Variants in MCU observed in about 807,000 individuals in gnomAD.
The protein encoded by MCU is mitochondrial calcium uniporter.
Under a neutral mutation model 45.2 loss-of-function variants are expected in MCU, and 12 were observed. The ratio of observed to expected loss-of-function variants is 0.27; its 90% CI spans 0.17 to 0.43. MCU has a LOEUF of 0.43. MCU is among the 20% of genes least tolerant of loss of function. The pLI is 1.00. For missense variants in MCU, 324 were observed against 436.7 expected (o/e 0.74, Z 2.30); for synonymous variants, 160 against 165.1 (o/e 0.97, Z 0.24).
At chr10:72,742,570 A>G (rs1382317216) in intron 1 of MCU, among the ~76,000 whole-genome samples, 1 of 152,098 alleles carries the variant, frequency 6.6e-6, no homozygotes, top group Non-Finnish European at 1.5e-5. Flanking sequence ...ATGCTTGCAT[A>G]TTTACTGGGG....
intron 1 of MCU, among the ~76,000 whole-genome samples, chr10:72,800,225 A>G (rs1342982199): frequency 6.6e-6 from 1 of 152,212 alleles, no homozygotes; most frequent in Admixed American, 6.5e-5. Flanking sequence ...AATTGTCCAC[A>G]TGGTGGCCGA....
chr10:72,753,141 C>G (rs1843526070), intron 1 of MCU, among the ~76,000 whole-genome samples: 1 of 152,168 alleles, frequency 6.6e-6, no homozygotes, highest in Admixed American at 6.5e-5. Flanking sequence ...CCTTAGACCT[C>G]TTAGATTTGT....
chr10:72,776,759 G>A (rs1194078554), intron 1 of MCU, among the ~76,000 whole-genome samples: 2 of 151,716 alleles, frequency 1.3e-5, no homozygotes, highest in African/African-American at 4.9e-5. Flanking sequence ...ATCCAAATTG[G>A]AAAGAAAGAA....
chr10:72,703,890 A>AAAC lies in MCU; in HGVS notation c.150+11616_150+11618dup, dbSNP rs143749981. Among the ~76,000 whole-genome samples the AAAC allele has an allele frequency of 6.5e-3, 976 of 150,900 alleles. 12 individuals carry two copies. Among genetic ancestry groups the AAAC allele is most frequent in the Non-Finnish European group, 9.8e-3 (663 of 67,734 alleles). On this transcript the variant is annotated intron_variant, in intron 1 of 7. Transcript: ENST00000373053. ...TGGGCGACAGCAAGACTCTGTCTCA[A>AAAC]AACAACAACAACAACAACAACAACA... is the stretch of plus-strand genomic sequence containing the variant.
At chr10:72,704,467 CTG>C (rs1309430083) in intron 1 of MCU, among the ~76,000 whole-genome samples, 1 of 152,028 alleles carries the variant, frequency 6.6e-6, no homozygotes, top group African/African-American at 2.4e-5. Flanking sequence ...GTATTTAAAA[CTG>C]TACTGACCTG....
At chr10:72,818,702 G>A (rs781631621) in intron 1 of MCU, among the ~76,000 whole-genome samples, 10 of 152,040 alleles carry the variant, frequency 6.6e-5, no homozygotes, top group Non-Finnish European at 1.0e-4. Context: ...TTAGCCGGGC[G>A]TGGTGGTGCA....
At chr10:72,747,029 C>T (rs1057184769) in intron 1 of MCU, among the ~76,000 whole-genome samples, 7 of 152,196 alleles carry the variant, frequency 4.6e-5, no homozygotes, top group African/African-American at 1.2e-4. Flanking sequence ...AAAATATAAA[C>T]TAAAAATATA....
rs191271660 is a variant in MCU at position 72,853,298 on chromosome 10, G to A, written c.221-5879G>A. On this transcript the variant is annotated intron_variant, in intron 2 of 7. Transcript: ENST00000373053. ...GAAAAATATAAGTATAATGTGAAAA[G>A]AAATGGAAGATATAAAAAGAAATGC... Among the ~76,000 whole-genome samples, 7 of 152,168 alleles carry A rather than the reference G, an allele frequency of 4.6e-5. 1 individual carries two copies. Among genetic ancestry groups the A allele is most frequent in the Admixed American group, 3.9e-4 (6 of 15,288 alleles).
intron 3 of MCU, 119 bp downstream of exon 3, chr10:72,859,466 A>C: frequency 4.2e-6 from 4 of 947,748 alleles, no homozygotes; most frequent in Middle Eastern, 3.1e-4. Context: ...TAACTTCAGA[A>C]AACTTTTTTC....
At chr10:72,818,812 G>T (rs1479576683) in intron 1 of MCU, among the ~76,000 whole-genome samples, 1 of 148,278 alleles carries the variant, frequency 6.7e-6, no homozygotes, top group African/African-American at 2.5e-5. Flanking sequence ...TTGCACTGCA[G>T]CCTGGGCAAC....
At chr10:72,837,038 A>G (rs1844965261) in intron 2 of MCU, among the ~76,000 whole-genome samples, 1 of 152,208 alleles carries the variant, frequency 6.6e-6, no homozygotes, top group Non-Finnish European at 1.5e-5. Flanking sequence ...ATGGTATTAT[A>G]TGCTTAGTAA....
intron 1 of MCU, among the ~76,000 whole-genome samples, chr10:72,753,889 CA>C (rs1427370677): frequency 2.0e-5 from 3 of 151,460 alleles, no homozygotes; most frequent in African/African-American, 7.3e-5. Context: ...CCAAAAAAAA[CA>C]AAAAAACAAA....
At chr10:72,801,353 C>CT (rs200952818) in intron 1 of MCU, among the ~76,000 whole-genome samples, 9,581 of 100,406 alleles carry the variant, frequency 0.095, 1,040 homozygotes, top group African/African-American at 0.29. Context: ...ATAATGCTTT[C>CT]TTTTTTTTTT....
chr10:72,874,343 A>G (rs189927531), intron 6 of MCU, among the ~76,000 whole-genome samples: 12 of 152,306 alleles, frequency 7.9e-5, no homozygotes, highest in South Asian at 6.2e-4. Context: ...TATTATTATA[A>G]TATACCATCA....
intron 2 of MCU, among the ~76,000 whole-genome samples, chr10:72,848,446 A>AC (rs200236241): frequency 0.019 from 2,843 of 152,126 alleles, 97 homozygotes; most frequent in African/African-American, 0.065. Context: ...ACTTGAACTC[A>AC]CCGTTTTTGG....
chr10:72,790,733 A>G (rs1229099809), intron 1 of MCU, among the ~76,000 whole-genome samples: 2 of 152,174 alleles, frequency 1.3e-5, no homozygotes, highest in Non-Finnish European at 2.9e-5. Flanking sequence ...AATAAAAGCT[A>G]CTAGGCACGC....
chr10:72,831,394 G>A (rs1417687128), intron 1 of MCU, among the ~76,000 whole-genome samples: 2 of 152,008 alleles, frequency 1.3e-5, no homozygotes, highest in African/African-American at 4.8e-5. Flanking sequence ...AAGAAACATA[G>A]CTGTATTAAT....
chr10:72,746,548 T>A (rs1228277041), intron 1 of MCU, among the ~76,000 whole-genome samples: 2 of 152,212 alleles, frequency 1.3e-5, no homozygotes, highest in Non-Finnish European at 1.5e-5. Flanking sequence ...AGCCCAAGTC[T>A]GTTATTTTCA....
chr10:72,693,020 G>A, intron 1 of MCU: 1 of 1,536,208 alleles, frequency 6.5e-7, no homozygotes, highest in Non-Finnish European at 8.7e-7. Flanking sequence ...GTTCACGCGT[G>A]CCTGAAGCGG....
Sources: gnomAD v4.1 joint callset for allele counts (sites outside exome capture counted in the v4.1 genomes callset) on GRCh38, gnomAD v4.1.1 for gene constraint, MANE v1.5 for transcripts, NCBI Gene and HGNC (gene_info 2026-07-23, HGNC 2026-07-21) for gene names.